ATP6V1B2: variants seen among roughly 807,000 people sequenced by gnomAD.
ATP6V1B2 encodes ATPase H+ transporting V1 subunit B2.
ATP6V1B2 carries 23 observed loss-of-function variants against 66.7 expected under a neutral mutation model. The ratio of observed to expected loss-of-function variants is 0.34; its 90% CI spans 0.25 to 0.49. The LOEUF (loss-of-function observed/expected upper bound fraction) is 0.49, where lower values mean the gene tolerates loss of function less well. Ranked by LOEUF, ATP6V1B2 falls within the 20% of genes least tolerant of loss-of-function variation. The probability of loss-of-function intolerance (pLI) is 0.99; values close to 1 mark genes in which losing one functional copy is unlikely to be tolerated. For synonymous variants in ATP6V1B2, 278 were observed against 236.7 expected, an observed-to-expected ratio of 1.17 and a Z score of -1.60; for missense variants, 478 against 650.8, an observed-to-expected ratio of 0.73 and a Z score of 2.89.
rs142952762 is a variant in ATP6V1B2, at chr8:20,211,762, A to AAGCT, written c.705+10_705+11insGCTA. On this transcript the variant is annotated intron_variant, in intron 7 of 13. Coordinates refer to ENST00000276390, the MANE Select transcript of ATP6V1B2 (RefSeq NM_001693.4). ...TATTTGCTGCTATGGGTGTAAGTAG[A>AAGCT]ATTTTTGTTTTAGTATGATATGTAA... 1 of 1,595,240 alleles carries AAGCT rather than the reference A, an allele frequency of 6.3e-7. No individual in the cohort carries two copies. The highest frequency in any genetic ancestry group is 8.5e-7 in the Non-Finnish European group (1 of 1,170,178).
Position 20,220,285 on chromosome 8 carries a change from C to G in ATP6V1B2, c.1419C>G (p.Val473=), listed in dbSNP as rs2072894940. The G allele has an allele frequency of 3.7e-6, 6 of 1,603,058 alleles. No individual in the cohort carries two copies. Among genetic ancestry groups the G allele is most frequent in the African/African-American group, 1.3e-5 (1 of 74,172 alleles). The change falls in exon 14 of 14, where the codon GTC becomes GTG. Residue 473 remains valine, a synonymous_variant. Transcript: ENST00000276390. ...AAGGTCCTTACGAAAATCGCACTGT[C>G]TTTGAGACTTTGGACATTGGCTGGC... is the stretch of plus-strand genomic sequence containing the variant. The part of the protein sequence containing the change: ...IAQGPYENRT[V]FETLDIGWQL...
intron 10 of ATP6V1B2, 120 bp from the exon 11 acceptor site, chr8:20,216,293 C>T (rs2072853782): frequency 1.3e-6 from 1 of 746,730 alleles, no homozygotes; most frequent in Non-Finnish European, 2.3e-6. Context: ...GAACACTCTT[C>T]TAAGTAATGT....
rs192932150 is a variant in ATP6V1B2, at chr8:20,210,245, A to G, written c.292-101A>G. On this transcript the variant is annotated intron_variant, in intron 3 of 13. Transcript: ENST00000276390. ...ATTATATCAAAAGTAGTATACATTC[A>G]TGGGTTTTACATTATAAGGGCTGTT... The G allele has an allele frequency of 2.4e-3, 2,085 of 880,736 alleles. 6 individuals carry two copies. Among genetic ancestry groups the G allele is most frequent in the Non-Finnish European group, 3.4e-3 (1,906 of 566,896 alleles). 54.6% of individuals were successfully genotyped at this position (880,736 alleles called of 1,614,324 possible).
At chr8:20,211,939 T>A (rs1436463100) in intron 7 of ATP6V1B2, among the ~76,000 whole-genome samples, 163 bp from the exon 8 acceptor site, 2 of 152,216 alleles carry the variant, frequency 1.3e-5, no homozygotes, top group Non-Finnish European at 2.9e-5. Context: ...TAATATTGTT[T>A]GTGCCCCAAA....
At chr8:20,211,464 C>G (rs990585774) in intron 6 of ATP6V1B2, 148 bp downstream of exon 6, 3 of 1,301,492 alleles carry the variant, frequency 2.3e-6, no homozygotes, top group African/African-American at 1.5e-5. Flanking sequence ...ATCTTTATTT[C>G]TGCACATGTC....
intron 6 of ATP6V1B2, 106 bp from the exon 7 acceptor site, chr8:20,211,546 C>G (rs2072793300): frequency 3.8e-6 from 5 of 1,330,042 alleles, no homozygotes; most frequent in Non-Finnish European, 5.1e-6. Flanking sequence ...CTAAAACATC[C>G]TGGTTTCGTT....
intron 9 of ATP6V1B2, 28 bp from the exon 10 acceptor site, chr8:20,214,790 G>A: frequency 6.3e-7 from 1 of 1,592,998 alleles, no homozygotes; most frequent in Non-Finnish European, 8.6e-7. Flanking sequence ...TATCGTGCAT[G>A]ATACTCTTCT....
chr8:20,205,716 A>T (rs773281175), intron 2 of ATP6V1B2, among the ~76,000 whole-genome samples: 5 of 152,222 alleles, frequency 3.3e-5, no homozygotes, highest in Non-Finnish European at 5.9e-5. Flanking sequence ...ATTATATCAG[A>T]ATAGAAGAAG....
chr8:20,216,718 CAG>C, intron 11 of ATP6V1B2: 1 of 389,164 alleles, frequency 2.6e-6, no homozygotes, highest in Non-Finnish European at 4.6e-6. Flanking sequence ...TGTCTTAAAA[CAG>C]AGTCACTTGT....
At chr8:20,212,647 C>A in intron 8 of ATP6V1B2, 135 bp from the exon 9 acceptor site, 2 of 1,276,360 alleles carry the variant, frequency 1.6e-6, no homozygotes, top group Admixed American at 2.6e-5. Context: ...TGTAAAATAA[C>A]AACTGCTTTA....
intron 10 of ATP6V1B2, 156 bp downstream of exon 10, chr8:20,215,124 C>T (rs1396313437): frequency 5.7e-6 from 5 of 872,796 alleles, no homozygotes; most frequent in Non-Finnish European, 8.2e-6. Flanking sequence ...TGAAAATTAC[C>T]CACAGTTATT....
intron 2 of ATP6V1B2, among the ~76,000 whole-genome samples, chr8:20,205,064 G>T (rs763608236): frequency 1.3e-5 from 2 of 152,176 alleles, no homozygotes; most frequent in Non-Finnish European, 2.9e-5. Flanking sequence ...GCTGCAGATT[G>T]ATTCAAAGCC....
At chr8:20,216,867 ATTT>A in intron 11 of ATP6V1B2, 1 of 250,874 alleles carries the variant, frequency 4.0e-6, no homozygotes, top group South Asian at 7.9e-5. Flanking sequence ...ATTATTGTTA[ATTT>A]TTTTTATTTT....
intron 2 of ATP6V1B2, among the ~76,000 whole-genome samples, chr8:20,207,435 T>C (rs2072750285): frequency 6.6e-6 from 1 of 152,012 alleles, no homozygotes. Flanking sequence ...GATCTAAATA[T>C]AGAAAAGGAA....
chr8:20,204,459 C>G lies in ATP6V1B2; in HGVS notation c.137-25C>G, dbSNP rs755587622. 4 of 1,602,742 alleles carry G rather than the reference C, an allele frequency of 2.5e-6. No homozygotes were observed. The African/African-American group carries it at 4.0e-5, about 16-fold the overall frequency. On this transcript the variant is annotated intron_variant, in intron 1 of 13. Coordinates refer to ENST00000276390, the MANE Select transcript of ATP6V1B2 (RefSeq NM_001693.4). ...AAGCTTTTGTGCTATTTGACTAAAACTGACTCTTCTGTATTTCTTTCCAGC... is the reference window on the plus strand; with the variant it reads ...AAGCTTTTGTGCTATTTGACTAAAAGTGACTCTTCTGTATTTCTTTCCAGC...
Position 20,220,158 on chromosome 8 carries a change from T to C in ATP6V1B2, c.1397-105T>C, listed in dbSNP as rs1437185895. ...TCTTGGGAGTCCCAACTTTTTTTTT[T>C]CAATATCTATTTAATACACTGCTAG... On this transcript the variant is annotated intron_variant, in intron 13 of 13. Transcript: ENST00000276390. The C allele has an allele frequency of 5.2e-6, 7 of 1,334,044 alleles. No individual in the cohort carries two copies. In the East Asian group the frequency reaches 1.7e-4, roughly 32 times the overall value. 82.6% of individuals were successfully genotyped at this position (1,334,044 alleles called of 1,614,324 possible).
In ATP6V1B2 at chr8:20,197,503, C is replaced by G. The variant is rs1227870010; in HGVS notation, c.97C>G (p.Leu33Val). Reference protein sequence around the residue: ...GPAVGAREQALAVSRNYLSQP... With the variant: ...GPAVGAREQAVAVSRNYLSQP... ...GGCGGTGGGAGCTCGGGAGCAGGCG[C>G]TGGCAGTCAGTCGGAACTACCTCTC... Residue 33 changes from leucine to valine, a missense_variant, in exon 1 of 14, where the codon CTG (leucine) becomes GTG (valine). Physicochemically the swap from Leu to Val is conservative, Grantham distance 32. This residue lies in a region of ATP6V1B2 where 152 missense variants were observed against 105.2 expected (regional missense o/e 1.44). Transcript: ENST00000276390. The G allele has an allele frequency of 2.7e-6, 4 of 1,489,098 alleles. No homozygotes were observed. The highest frequency in any genetic ancestry group is 2.6e-5 in the South Asian group (2 of 76,396). 92.2% of individuals were successfully genotyped at this position (1,489,098 alleles called of 1,614,324 possible). A position where few individuals can be genotyped will look rare whatever the true frequency, so the allele number is the denominator to read the frequency against.
At chr8:20,202,995 G>A (rs554268344) in intron 1 of ATP6V1B2, among the ~76,000 whole-genome samples, 3 of 152,122 alleles carry the variant, frequency 2.0e-5, no homozygotes, top group Non-Finnish European at 2.9e-5. Context: ...TTTAAAATGA[G>A]AACAATGAAG....
chr8:20,202,387 T>G (rs556696515), intron 1 of ATP6V1B2, among the ~76,000 whole-genome samples: 1 of 152,230 alleles, frequency 6.6e-6, no homozygotes, highest in Non-Finnish European at 1.5e-5. Flanking sequence ...TAATGATAGC[T>G]AACTCTGTCT....
Sources: allele counts gnomAD v4.1 joint callset (sites outside exome capture counted in the v4.1 genomes callset), GRCh38; gene constraint gnomAD v4.1.1; regional missense constraint gnomAD v4.1.1; transcripts MANE v1.5; gene names NCBI Gene and HGNC (gene_info 2026-07-23, HGNC 2026-07-21).